VPS13D: variants seen among roughly 807,000 people sequenced by gnomAD.
VPS13D encodes intermembrane lipid transfer protein VPS13D.
In VPS13D, 187 loss-of-function variants were observed where a neutral mutation model predicts 461.9. That is an observed-to-expected ratio of 0.40 (90% CI 0.36 to 0.46). VPS13D has a LOEUF of 0.46. Among genes scored for constraint, VPS13D ranks in the 20% least tolerant of loss-of-function variants. The probability of loss-of-function intolerance (pLI) is 0.60; values close to 1 mark genes in which losing one functional copy is unlikely to be tolerated. For synonymous variants in VPS13D, 1,951 were observed against 1,986.3 expected, an observed-to-expected ratio of 0.98 and a Z score of 0.47; for missense variants, 4,711 against 5,364.9, an observed-to-expected ratio of 0.88 and a Z score of 3.81.
intron 18 of VPS13D, among the ~76,000 whole-genome samples, chr1:12,275,108 G>C (rs1641569290): frequency 6.6e-6 from 1 of 152,054 alleles, no homozygotes; most frequent in Non-Finnish European, 1.5e-5. Context: ...AATCCCAGCT[G>C]TCCGGGAGGC....
intron 2 of VPS13D, among the ~76,000 whole-genome samples, chr1:12,237,135 A>G (rs923008995): frequency 6.7e-6 from 1 of 149,990 alleles, no homozygotes; most frequent in African/African-American, 2.5e-5. Context: ...GTGTGTATAT[A>G]TATGTGTGTG....
intron 69 of VPS13D, 136 bp from the exon 70 acceptor site, chr1:12,508,757 C>A: frequency 1.1e-6 from 1 of 948,068 alleles, no homozygotes; most frequent in Non-Finnish European, 1.6e-6. Context: ...CAGGAGCAGC[C>A]CTGGCCATCA....
At position 12,358,519 on chromosome 1, in the gene VPS13D, C is replaced by G; in HGVS notation, c.10059C>G (p.Gly3353=). 1.2e-6 allele frequency: 2 copies of G among 1,614,172 alleles called. No homozygotes were observed. The highest frequency in any genetic ancestry group is 1.7e-6 in the Non-Finnish European group (2 of 1,180,020). ...HPEGMPGWCQ[G]FSLDGGSGVR... is the part of the protein sequence containing the mutation. ...AAGGCATGCCGGGCTGGTGTCAGGG[C>G]TTCTCCCTGGATGGTGGTAGTGGTG... Residue 3353 remains glycine (G), a synonymous_variant, in exon 50 of 70, where the codon GGC becomes GGG. Transcript: ENST00000620676.
At chr1:12,320,551 A>C (rs1004876306) in intron 32 of VPS13D, among the ~76,000 whole-genome samples, 1 of 152,002 alleles carries the variant, frequency 6.6e-6, no homozygotes, top group South Asian at 2.1e-4. Context: ...GCCTGTAGGG[A>C]CTCTACTTCT....
At chr1:12,320,421 A>G (rs1643005905) in intron 32 of VPS13D, among the ~76,000 whole-genome samples, 1 of 152,156 alleles carries the variant, frequency 6.6e-6, no homozygotes, top group East Asian at 1.9e-4. Context: ...TTGCTTTACG[A>G]TCGGCCTTTT....
At chr1:12,445,811 T>C (rs1445311588) in intron 65 of VPS13D, among the ~76,000 whole-genome samples, 2 of 152,176 alleles carry the variant, frequency 1.3e-5, no homozygotes, top group Non-Finnish European at 2.9e-5. Context: ...TTAAGTACCT[T>C]AGATTTGAAC....
intron 54 of VPS13D, among the ~76,000 whole-genome samples, chr1:12,372,080 C>T (rs1644126985): frequency 6.6e-6 from 1 of 151,868 alleles, no homozygotes; most frequent in Admixed American, 6.6e-5. Flanking sequence ...ATTTTTGAGA[C>T]AAGGTCTCTG....
chr1:12,238,430 C>G (rs1640235807), intron 2 of VPS13D, among the ~76,000 whole-genome samples: 1 of 151,098 alleles, frequency 6.6e-6, no homozygotes, highest in South Asian at 2.1e-4. Context: ...AGAGTGAGAC[C>G]CTATCTCTAA....
intron 32 of VPS13D, 138 bp from the exon 33 acceptor site, chr1:12,321,671 C>T: frequency 1.1e-6 from 1 of 918,688 alleles, no homozygotes; most frequent in Non-Finnish European, 1.6e-6. Context: ...TCACTCTTCA[C>T]AGTATTTATT....
In VPS13D at chr1:12,456,058, C is replaced by T. The variant is rs1291732470; in HGVS notation, c.12394C>T (p.Arg4132Trp). Residue 4132 changes from arginine (R) to tryptophan (W), a missense_variant, in exon 66 of 70, where the codon CGG becomes TGG. Physicochemically the swap from Arg to Trp is moderately radical, Grantham distance 101. Transcript: ENST00000620676. The part of the protein sequence containing the change: ...KTMDNRHQSE[R>W]EYIRYHAATS... ...GATGGACAATCGGCATCAGTCAGAG[C>T]GGGAGTACATCAGGTACCATGCAGC... 1.9e-6 allele frequency: 3 copies of T among 1,613,906 alleles called. No homozygotes were observed. Among genetic ancestry groups the T allele is most frequent in the Admixed American group, 1.7e-5 (1 of 59,990 alleles).
In VPS13D at chr1:12,460,235, G is replaced by A. The variant is rs1007896378; in HGVS notation, c.12501G>A (p.Ser4167=). The stretch of plus-strand genomic sequence containing the variant: ...GTGGACTGACCAGTGTTATAACTTC[G>A]ACAGTGGAAGGTGTGAAAACAGAAG... The part of the protein sequence containing the change: ...IIGGLTSVIT[S]TVEGVKTEGG... The change falls in exon 67 of 70, where the codon TCG becomes TCA. Residue 4167 remains serine (S), a synonymous_variant. Coordinates refer to ENST00000620676, the MANE Select transcript of VPS13D (RefSeq NM_015378.4). The A allele has an allele frequency of 4.3e-6, 7 of 1,609,694 alleles. No homozygotes were observed. The highest frequency in any genetic ancestry group is 1.1e-5 in the South Asian group (1 of 90,266).
At chr1:12,341,218 C>A (rs945139546) in intron 40 of VPS13D, among the ~76,000 whole-genome samples, 1 of 152,148 alleles carries the variant, frequency 6.6e-6, no homozygotes, top group African/African-American at 2.4e-5. Flanking sequence ...AATGGGCTAA[C>A]AATTTTGTTT....
At chr1:12,390,455 C>A (rs1644409871) in intron 60 of VPS13D, among the ~76,000 whole-genome samples, 1 of 152,182 alleles carries the variant, frequency 6.6e-6, no homozygotes, top group South Asian at 2.1e-4. Flanking sequence ...TGCCGCACTT[C>A]TTTAGCCGTA....
intron 2 of VPS13D, among the ~76,000 whole-genome samples, chr1:12,236,162 C>T (rs1640140827): frequency 6.6e-6 from 1 of 152,128 alleles, no homozygotes; most frequent in African/African-American, 2.4e-5. Flanking sequence ...GAATGCTTCT[C>T]CGCAGGGTAG....
chr1:12,400,236 T>C lies in VPS13D; in HGVS notation c.11690T>C (p.Leu3897Pro). 1.9e-6 allele frequency: 3 copies of C among 1,614,178 alleles called. No homozygotes were observed. The highest frequency in any genetic ancestry group is 2.5e-6 in the Non-Finnish European group (3 of 1,180,036). Residue 3897 changes from leucine to proline, a missense_variant, in exon 61 of 70, where the codon CTG becomes CCG. Leu to Pro is a moderately conservative substitution (Grantham distance 98, BLOSUM62 -3). Coordinates refer to ENST00000620676, the MANE Select transcript of VPS13D (RefSeq NM_015378.4). ...CCCTTCATGCTCTATGTGACTCCCC[T>C]GAGCAATGAGAATGAGGTCATCGAG... is the stretch of plus-strand genomic sequence containing the variant. ...TQPFMLYVTP[L>P]SNENEVIETG...
chr1:12,315,529 A>G (rs569020384), intron 30 of VPS13D, among the ~76,000 whole-genome samples: 75 of 152,332 alleles, frequency 4.9e-4, no homozygotes, highest in African/African-American at 1.8e-3. Flanking sequence ...ACAAGTCTGC[A>G]GAGGGGATGA....
intron 63 of VPS13D, among the ~76,000 whole-genome samples, chr1:12,406,094 A>C (rs1032908196): frequency 2.0e-5 from 3 of 151,566 alleles, no homozygotes; most frequent in Non-Finnish European, 4.4e-5. Context: ...AAACAATTAC[A>C]TGGAGCAGCC....
intron 67 of VPS13D, chr1:12,497,206 A>G (rs868663168): frequency 9.5e-6 from 2 of 210,184 alleles, no homozygotes; most frequent in South Asian, 7.7e-5. Context: ...GCAGTCCTCT[A>G]AGGTAGGTGT....
chr1:12,386,134 T>A, intron 59 of VPS13D, 51 bp from the exon 60 acceptor site: 1 of 1,567,940 alleles, frequency 6.4e-7, no homozygotes, highest in East Asian at 2.3e-5. Flanking sequence ...TCCTGGATAC[T>A]GTGAGCTGTG....
Sources: allele counts gnomAD v4.1 joint callset (sites outside exome capture counted in the v4.1 genomes callset), GRCh38; gene constraint gnomAD v4.1.1; transcripts MANE v1.5; gene names NCBI Gene and HGNC (gene_info 2026-07-23, HGNC 2026-07-21).